Variants in CELF2 observed in about 807,000 individuals in gnomAD.
CELF2 encodes CUGBP Elav-like family member 2.
CELF2 carries 8 observed loss-of-function variants against 62.6 expected under a neutral mutation model. The observed-to-expected ratio is 0.13, with a 90% confidence interval of 0.07 to 0.23. The LOEUF is 0.23. Ranked by LOEUF, CELF2 falls within the 10% of genes least tolerant of loss-of-function variation. The pLI is 1.00. For synonymous variants in CELF2, 258 were observed against 250.0 expected (o/e 1.03, Z -0.30); for missense variants, 333 against 671.0 (o/e 0.50, Z 5.56).
At chr10:10,701,356 A>G in the CELF2 span, among the ~76,000 whole-genome samples, 1 of 152,254 alleles carries the variant, frequency 6.6e-6, no homozygotes. Flanking sequence ...GGAAGTCTCC[A>G]GAGCCTGGTT....
chr10:11,170,009 G>T (rs1161379292), intron 2 of CELF2, among the ~76,000 whole-genome samples: 1 of 152,224 alleles, frequency 6.6e-6, no homozygotes, highest in Non-Finnish European at 1.5e-5. Flanking sequence ...GGACCCAAGA[G>T]TATTTCAGAA....
intron 2 of CELF2, among the ~76,000 whole-genome samples, chr10:10,967,299 C>A (rs2050220418): frequency 6.6e-6 from 1 of 152,164 alleles, no homozygotes; most frequent in South Asian, 2.1e-4. Context: ...AGTCTGTTTA[C>A]ACATCTGGTT....
chr10:10,540,686 C>G, the CELF2 span, among the ~76,000 whole-genome samples: 3 of 152,078 alleles, frequency 2.0e-5, no homozygotes, highest in African/African-American at 7.2e-5. Flanking sequence ...TGCAGGGAGT[C>G]CTGGATTTTT....
In CELF2 at chr10:10,934,122, G is replaced by C. The variant is rs1184755490; in HGVS notation, c.89+14123G>C. Among the ~76,000 whole-genome samples, 1 of 152,046 alleles carries C rather than the reference G, an allele frequency of 6.6e-6. No homozygotes were observed. Among genetic ancestry groups the C allele is most frequent in the Non-Finnish European group, 1.5e-5 (1 of 68,002 alleles). The stretch of plus-strand genomic sequence containing the variant: ...GCGTTTCTTATTTTGCGTCTTTTTT[G>C]TAATAGCCATTTTAATTGGGGTGAG... On this transcript the variant is annotated intron_variant, in intron 2 of 13. Coordinates refer to the CELF2 transcript ENST00000636488. The surrounding 1 kb of genome is among the most constrained non-coding windows in gnomAD (Gnocchi z 4.4).
At chr10:11,070,985 A>G (rs528496140) in intron 1 of CELF2, among the ~76,000 whole-genome samples, 2 of 152,356 alleles carry the variant, frequency 1.3e-5, no homozygotes, top group African/African-American at 4.8e-5. Flanking sequence ...AGGGGATAGT[A>G]TAGATGACTA....
chr10:11,131,179 C>T (rs1029772723), intron 1 of CELF2, among the ~76,000 whole-genome samples: 15 of 152,290 alleles, frequency 9.8e-5, no homozygotes, highest in African/African-American at 2.4e-4. Flanking sequence ...GGCGTGATAT[C>T]GATTGCTTAA....
At chr10:11,078,360 A>T (rs979240182) in intron 1 of CELF2, among the ~76,000 whole-genome samples, 1 of 152,192 alleles carries the variant, frequency 6.6e-6, no homozygotes, top group Non-Finnish European at 1.5e-5. Flanking sequence ...GAAAATGATT[A>T]CCAAGGGAAG....
chr10:10,551,065 T>G, the CELF2 span, among the ~76,000 whole-genome samples: 4 of 152,222 alleles, frequency 2.6e-5, no homozygotes, highest in African/African-American at 9.6e-5. Context: ...GTTGCATGCC[T>G]CATTGATCTG....
At chr10:10,505,955 C>G in the CELF2 span, among the ~76,000 whole-genome samples, 2 of 152,174 alleles carry the variant, frequency 1.3e-5, no homozygotes, top group South Asian at 4.1e-4. Flanking sequence ...CACCTTCTTT[C>G]CACCTTTCAA....
chr10:11,112,483 A>G (rs988576812), intron 1 of CELF2, among the ~76,000 whole-genome samples: 7 of 152,226 alleles, frequency 4.6e-5, no homozygotes, highest in Non-Finnish European at 1.0e-4. Context: ...CTCATTACAC[A>G]TGCACATTCA....
rs2060292851 is a variant in CELF2 at position 11,135,531 on chromosome 10, C to A, written c.75-29955C>A. Among the ~76,000 whole-genome samples the A allele has an allele frequency of 2.0e-5, 3 of 152,152 alleles. No individual in the cohort carries two copies. The South Asian group carries it at 6.2e-4, about 32-fold the overall frequency. On this transcript the variant is annotated intron_variant, in intron 1 of 12. Transcript: ENST00000633077. Reference sequence around the variant, plus strand: ...AAAAATTAAAGCAATTGTATCAATGCCTATGAAATATGCTACAGGAAAGAC... The same window carrying A: ...AAAAATTAAAGCAATTGTATCAATGACTATGAAATATGCTACAGGAAAGAC...
At chr10:10,890,767 C>T (rs2062079395) in intron 1 of CELF2, among the ~76,000 whole-genome samples, 1 of 152,224 alleles carries the variant, frequency 6.6e-6, no homozygotes, top group Non-Finnish European at 1.5e-5. Flanking sequence ...GTAATCCCAG[C>T]ACTTTGGGAG....
rs11257058 is a variant in CELF2, at chr10:11,333,963, G to A, written c.*4910G>A. The A allele has an allele frequency of 3.0e-5, 4 of 133,110 alleles. No homozygotes were observed. The highest frequency in any genetic ancestry group is 4.2e-4 in the East Asian group (2 of 4,732). The allele number at this position is 133,110 out of a possible 1,614,324, so 8.2% of individuals were successfully genotyped here. A position where few individuals can be genotyped will look rare whatever the true frequency, so the allele number is the denominator to read the frequency against. On this transcript the variant is annotated 3_prime_UTR_variant, in exon 13 of 13. Transcript: ENST00000633077. ...AATGACTGATTTCAAGTTTGATTTC[G>A]GGTTGATTGATTGATTGATTGATAG... is the stretch of plus-strand genomic sequence containing the variant.
In CELF2 at chr10:11,260,382, G is replaced by A. The variant is rs1058348; in HGVS notation, c.538+2510G>A. The stretch of plus-strand genomic sequence containing the variant: ...GGGGACAGTAATGAACAGGATTGCC[G>A]CCTGCAGCGTTCAGAGCTCCTTGAG... On this transcript the variant is annotated intron_variant, in intron 5 of 12. Coordinates refer to ENST00000633077, the MANE Select transcript of CELF2 (RefSeq NM_001326342.2). The surrounding 1 kb of genome is among the most constrained non-coding windows in gnomAD (Gnocchi z 4.2). 0.13 allele frequency among the ~76,000 whole-genome samples: 20,055 copies of A among 152,226 alleles called. 1,341 individuals are homozygous for A. The highest frequency in any genetic ancestry group is 0.14 in the Non-Finnish European group (9,832 of 68,014).
chr10:10,565,765 T>G, the CELF2 span, among the ~76,000 whole-genome samples: 1 of 152,186 alleles, frequency 6.6e-6, no homozygotes, highest in Non-Finnish European at 1.5e-5. Context: ...GAGAGCCTAT[T>G]TGTGTGATCA....
At chr10:10,480,601 T>C in the CELF2 span, among the ~76,000 whole-genome samples, 1 of 152,182 alleles carries the variant, frequency 6.6e-6, no homozygotes, top group Non-Finnish European at 1.5e-5. Flanking sequence ...GCTACCTAAT[T>C]TGAGAATCAT....
the CELF2 span, among the ~76,000 whole-genome samples, chr10:10,668,985 CA>C: frequency 1.5e-4 from 23 of 151,928 alleles, no homozygotes; most frequent in African/African-American, 5.1e-4. Context: ...AGGTTACATA[CA>C]AAAAAAATCT....
chr10:10,679,795 C>T, the CELF2 span, among the ~76,000 whole-genome samples: 1 of 152,104 alleles, frequency 6.6e-6, no homozygotes. Flanking sequence ...CATTGCTGTC[C>T]ATTGAAAAAT....
At chr10:10,469,227 T>C in the CELF2 span, among the ~76,000 whole-genome samples, 1 of 151,934 alleles carries the variant, frequency 6.6e-6, no homozygotes, top group Non-Finnish European at 1.5e-5. Flanking sequence ...AAAATTCTTA[T>C]TAGGATTTTC....
Sources: allele counts gnomAD v4.1 joint callset (sites outside exome capture counted in the v4.1 genomes callset), GRCh38; gene constraint gnomAD v4.1.1; non-coding constraint Gnocchi (gnomAD v3.1); transcripts MANE v1.5; gene names NCBI Gene and HGNC (gene_info 2026-07-23, HGNC 2026-07-21).